The following NLGN1 variants were observed in gnomAD, a reference collection of about 807,000 sequenced individuals.
The protein encoded by NLGN1 is neuroligin-1.
Under a neutral mutation model 65.5 loss-of-function variants are expected in NLGN1, and 12 were observed. That is an observed-to-expected ratio of 0.18 (90% confidence interval 0.12 to 0.30). NLGN1 has a LOEUF of 0.30. NLGN1 is among the 10% of genes least tolerant of loss of function. NLGN1 has a pLI of 1.00. For synonymous variants in NLGN1, 350 were observed against 359.5 expected (o/e 0.97, Z 0.30); for missense variants, 750 against 1,007.1 (o/e 0.74, Z 3.46).
intron 4 of NLGN1, among the ~76,000 whole-genome samples, chr3:173,939,039 C>T (rs1222577131): frequency 2.0e-5 from 3 of 152,104 alleles, no homozygotes; most frequent in African/African-American, 7.2e-5. Context: ...TATGACTGAA[C>T]ACATGAGAAA....
chr3:174,102,277 T>C (rs1264328774), intron 4 of NLGN1, among the ~76,000 whole-genome samples: 2 of 152,106 alleles, frequency 1.3e-5, no homozygotes. Context: ...GGGTATAAGA[T>C]GTTCATTTTT....
intron 3 of NLGN1, among the ~76,000 whole-genome samples, chr3:173,685,175 C>T (rs1764513756): frequency 1.3e-5 from 2 of 152,132 alleles, no homozygotes; most frequent in Non-Finnish European, 1.5e-5. Context: ...CGAGTAGTTG[C>T]TCCAGTTGAA....
chr3:173,539,760 C>CATGCACATATATAACACATATAT (rs1560407360), intron 2 of NLGN1, among the ~76,000 whole-genome samples: 10 of 73,020 alleles, frequency 1.4e-4, no homozygotes, highest in African/African-American at 7.6e-4. Flanking sequence ...ATAACATATA[C>CATGCACATATATAACACATATAT]ATGTACATAT....
chr3:173,757,760 T>G (rs1251469760), intron 3 of NLGN1, among the ~76,000 whole-genome samples: 1 of 152,012 alleles, frequency 6.6e-6, no homozygotes, highest in Non-Finnish European at 1.5e-5. Flanking sequence ...CTTACTTTCT[T>G]TAGGTGTGCA....
At chr3:174,110,962 A>G (rs1021559485) in intron 4 of NLGN1, among the ~76,000 whole-genome samples, 2 of 151,918 alleles carry the variant, frequency 1.3e-5, no homozygotes, top group African/African-American at 2.4e-5. Flanking sequence ...AGTCAGAAAC[A>G]CCCAAAGTAA....
chr3:173,429,228 C>T (rs1716743511), intron 1 of NLGN1, among the ~76,000 whole-genome samples: 1 of 152,066 alleles, frequency 6.6e-6, no homozygotes, highest in African/African-American at 2.4e-5. Flanking sequence ...TTTCAAACAG[C>T]CTGTCTTCAT....
intron 4 of NLGN1, among the ~76,000 whole-genome samples, chr3:173,898,513 C>A (rs1736730981): frequency 6.6e-6 from 1 of 152,146 alleles, no homozygotes; most frequent in South Asian, 2.1e-4. Context: ...CTTTTCATCC[C>A]AGAGACCTGG....
intron 4 of NLGN1, among the ~76,000 whole-genome samples, chr3:173,992,061 C>A (rs1238818824): frequency 1.1e-4 from 17 of 152,224 alleles, no homozygotes; most frequent in Non-Finnish European, 8.8e-5. Context: ...CTCCTGACCT[C>A]AGGTGATCCA....
At chr3:173,967,507 A>G (rs1357045122) in intron 4 of NLGN1, among the ~76,000 whole-genome samples, 1 of 152,202 alleles carries the variant, frequency 6.6e-6, no homozygotes, top group Non-Finnish European at 1.5e-5. Flanking sequence ...TAGTGTCCTC[A>G]CAGGTGATTT....
intron 3 of NLGN1, among the ~76,000 whole-genome samples, chr3:173,647,650 T>C (rs1758490423): frequency 6.6e-6 from 1 of 152,072 alleles, no homozygotes; most frequent in African/African-American, 2.4e-5. Context: ...CAATATATCA[T>C]AATTTAGGAA....
intron 2 of NLGN1, among the ~76,000 whole-genome samples, chr3:173,602,657 T>C (rs1013935392): frequency 6.6e-6 from 1 of 151,980 alleles, no homozygotes; most frequent in East Asian, 1.9e-4. Flanking sequence ...TGCTGTAGAG[T>C]ACTTGAAAAT....
Position 173,582,714 on chromosome 3 carries a change from A to G in NLGN1, c.-320-21565A>G, listed in dbSNP as rs1205754717. Among the ~76,000 whole-genome samples the G allele has an allele frequency of 2.6e-5, 4 of 152,150 alleles. No individual in the cohort carries two copies. The East Asian group carries it at 5.8e-4, about 22-fold the overall frequency. Reference sequence around the variant, plus strand: ...CCTTCTTTGATTATATGCATTGCAAATATCTTTTATGAGTGTACATTTTGA... The same window carrying G: ...CCTTCTTTGATTATATGCATTGCAAGTATCTTTTATGAGTGTACATTTTGA... On this transcript the variant is annotated intron_variant, in intron 2 of 6. Coordinates refer to ENST00000457714, the Ensembl canonical transcript of NLGN1.
At chr3:173,815,004 CTCTTT>C (rs956220856) in intron 4 of NLGN1, among the ~76,000 whole-genome samples, 6 of 151,682 alleles carry the variant, frequency 4.0e-5, no homozygotes, top group South Asian at 2.1e-4. Context: ...CTTTTCTCTT[CTCTTT>C]TCTTTTCTTT....
At chr3:173,586,098 G>A (rs1482184925) in intron 2 of NLGN1, among the ~76,000 whole-genome samples, 1 of 151,656 alleles carries the variant, frequency 6.6e-6, no homozygotes, top group Admixed American at 6.6e-5. Flanking sequence ...GTAGGTTAAC[G>A]AATCTGAGAC....
At chr3:174,132,777 T>TAC (rs796426545) in intron 4 of NLGN1, among the ~76,000 whole-genome samples, 10 of 152,248 alleles carry the variant, frequency 6.6e-5, no homozygotes, top group African/African-American at 2.4e-4. Context: ...ATGTCCCAGA[T>TAC]ATAAGACTCA....
At chr3:173,553,992 C>G (rs1191264732) in intron 2 of NLGN1, among the ~76,000 whole-genome samples, 2 of 152,156 alleles carry the variant, frequency 1.3e-5, no homozygotes, top group Non-Finnish European at 2.9e-5. Flanking sequence ...ATTAAGATGG[C>G]TTATGAGAAC....
chr3:173,680,945 A>T (rs1763863024), intron 3 of NLGN1, among the ~76,000 whole-genome samples: 1 of 152,186 alleles, frequency 6.6e-6, no homozygotes, highest in African/African-American at 2.4e-5. Flanking sequence ...TTTCTGCTTC[A>T]GGCTACATTT....
intron 4 of NLGN1, among the ~76,000 whole-genome samples, chr3:174,112,320 T>G (rs1409766577): frequency 6.6e-6 from 1 of 151,950 alleles, no homozygotes; most frequent in East Asian, 1.9e-4. Context: ...AAATTTCTCT[T>G]TATTACCATA....
intron 4 of NLGN1, among the ~76,000 whole-genome samples, chr3:173,909,126 G>C (rs148964213): frequency 6.6e-6 from 1 of 151,944 alleles, no homozygotes; most frequent in Admixed American, 6.6e-5. Context: ...GAAATAACTA[G>C]TATGAATTGT....
Sources: allele counts gnomAD v4.1 joint callset (sites outside exome capture counted in the v4.1 genomes callset), GRCh38; gene constraint gnomAD v4.1.1; transcripts MANE v1.5; gene names NCBI Gene and HGNC (gene_info 2026-07-23, HGNC 2026-07-21).